FRMD4A: variants seen among roughly 807,000 people sequenced by gnomAD.
FRMD4A encodes FERM domain containing 4A.
Under a neutral mutation model 129.1 loss-of-function variants are expected in FRMD4A, and 29 were observed. The observed-to-expected ratio is 0.22, with a 90% CI of 0.17 to 0.31. FRMD4A has a LOEUF of 0.31. Among genes scored for constraint, FRMD4A ranks in the 10% least tolerant of loss-of-function variants. The pLI is 1.00. For missense variants in FRMD4A, 1,272 were observed against 1,375.8 expected (o/e 0.92, Z 1.19); for synonymous variants, 634 against 571.6 (o/e 1.11, Z -1.56).
At chr10:13,668,192 C>G (rs2134701586) in intron 17 of FRMD4A, 1 of 152,372 alleles carries the variant, frequency 6.6e-6, no homozygotes, top group East Asian at 1.9e-4. Context: ...CCTTCTGAAT[C>G]CTGCCAAGGC....
At chr10:14,013,807 T>C (rs570495546) in intron 2 of FRMD4A, among the ~76,000 whole-genome samples, 1 of 152,322 alleles carries the variant, frequency 6.6e-6, no homozygotes, top group East Asian at 1.9e-4. Flanking sequence ...GGTGCATCCC[T>C]GTAATCCCAG....
intron 3 of FRMD4A, among the ~76,000 whole-genome samples, chr10:13,847,225 A>G (rs1449450068): frequency 2.0e-5 from 3 of 152,144 alleles, no homozygotes; most frequent in African/African-American, 4.8e-5. Flanking sequence ...TTCAGTCACA[A>G]AGACCTAGTG....
At chr10:13,902,514 C>A (rs1437407791) in intron 2 of FRMD4A, among the ~76,000 whole-genome samples, 11 of 122,312 alleles carry the variant, frequency 9.0e-5, no homozygotes, top group African/African-American at 3.4e-4. Flanking sequence ...GCCAACTGAG[C>A]CAACATGAGA....
intron 4 of FRMD4A, among the ~76,000 whole-genome samples, chr10:13,797,630 C>T (rs756927831): frequency 1.3e-5 from 2 of 152,160 alleles, no homozygotes. Context: ...CTCTCTGTAT[C>T]CAATGTCAGC....
chr10:13,854,416 C>CT (rs925949386), intron 3 of FRMD4A, among the ~76,000 whole-genome samples: 132 of 151,928 alleles, frequency 8.7e-4, no homozygotes, highest in Middle Eastern at 3.4e-3. Context: ...TTGATGAAGG[C>CT]TTTTTTTCTT....
chr10:13,857,081 A>T (rs956720260), intron 3 of FRMD4A, among the ~76,000 whole-genome samples: 11 of 152,338 alleles, frequency 7.2e-5, no homozygotes, highest in South Asian at 2.1e-4. Flanking sequence ...CACAAATTTG[A>T]CTTTTAATGA....
intron 2 of FRMD4A, among the ~76,000 whole-genome samples, chr10:14,114,265 C>T (rs1341538697): frequency 1.3e-5 from 2 of 152,152 alleles, no homozygotes; most frequent in African/African-American, 2.4e-5. Context: ...CTGGCCTTTC[C>T]ACCAGCCAGG....
At chr10:13,714,682 T>C (rs1186992541) in intron 12 of FRMD4A, among the ~76,000 whole-genome samples, 4 of 152,130 alleles carry the variant, frequency 2.6e-5, no homozygotes, top group Non-Finnish European at 5.9e-5. Flanking sequence ...AACCCATGAT[T>C]CCTATAGCCA....
intron 5 of FRMD4A, among the ~76,000 whole-genome samples, chr10:13,792,111 T>G (rs2093014603): frequency 6.6e-6 from 1 of 151,862 alleles, no homozygotes; most frequent in Non-Finnish European, 1.5e-5. Context: ...ATTGTCCCTG[T>G]GCAGGGGCAC....
chr10:14,094,278 G>C lies in FRMD4A; in HGVS notation c.46-235366C>G, dbSNP rs372857773. ...GGGCAGATGTTAAGGGCTTGGTATAGAGAAAGGGTGCGTGGAATGATGAGG... is the reference window on the plus strand; with the variant it reads ...GGGCAGATGTTAAGGGCTTGGTATACAGAAAGGGTGCGTGGAATGATGAGG... On this transcript the variant is annotated intron_variant, in intron 2 of 24. Coordinates refer to ENST00000357447, the MANE Select transcript of FRMD4A (RefSeq NM_018027.5). 4.6e-5 allele frequency among the ~76,000 whole-genome samples: 7 copies of C among 152,362 alleles called. No individual in the cohort carries two copies. In the East Asian group the frequency reaches 1.4e-3, roughly 29 times the overall value.
intron 2 of FRMD4A, among the ~76,000 whole-genome samples, chr10:14,041,895 G>T (rs560989465): frequency 6.6e-6 from 1 of 152,246 alleles, no homozygotes; most frequent in Admixed American, 6.5e-5. Context: ...GTCAGAACAG[G>T]GGCTATGTTT....
chr10:13,829,745 G>A (rs1588934826), intron 3 of FRMD4A, among the ~76,000 whole-genome samples: 1 of 152,318 alleles, frequency 6.6e-6, no homozygotes, highest in South Asian at 2.1e-4. Context: ...ACCACCCTTA[G>A]TAAGTGGAGC....
intron 12 of FRMD4A, among the ~76,000 whole-genome samples, chr10:13,725,212 A>G (rs2089800164): frequency 6.6e-6 from 1 of 152,202 alleles, no homozygotes; most frequent in Non-Finnish European, 1.5e-5. Flanking sequence ...GGCCCAGGGA[A>G]GTGGCTCACA....
chr10:13,659,832 AAAAC>A (rs1312060306), intron 20 of FRMD4A, among the ~76,000 whole-genome samples: 1 of 148,560 alleles, frequency 6.7e-6, no homozygotes, highest in African/African-American at 2.5e-5. Flanking sequence ...GGAAATGGGA[AAAAC>A]AGAGAAGCAG....
chr10:14,315,876 T>C (rs987887664), intron 2 of FRMD4A, among the ~76,000 whole-genome samples: 4 of 152,228 alleles, frequency 2.6e-5, no homozygotes, highest in Admixed American at 6.5e-5. Context: ...GAACACTTAC[T>C]ATGTGCCAGA....
intron 2 of FRMD4A, among the ~76,000 whole-genome samples, chr10:14,213,029 G>A (rs1371730868): frequency 6.6e-6 from 1 of 152,162 alleles, no homozygotes; most frequent in Non-Finnish European, 1.5e-5. Flanking sequence ...TTGAGGCCAG[G>A]AGTTTGAAAC....
chr10:13,977,622 C>T (rs1051447419), intron 2 of FRMD4A, among the ~76,000 whole-genome samples: 1 of 152,212 alleles, frequency 6.6e-6, no homozygotes, highest in Admixed American at 6.5e-5. Flanking sequence ...TTTCATCCCC[C>T]AAAAGAAAAC....
intron 2 of FRMD4A, among the ~76,000 whole-genome samples, chr10:14,162,634 TTTTTTTG>T (rs1840956211): frequency 1.4e-5 from 2 of 138,734 alleles, no homozygotes; most frequent in Admixed American, 1.5e-4. Flanking sequence ...TTCTCTGTTT[TTTTTTTG>T]TTTTTTTTTT....
chr10:13,695,598 GT>G (rs2086148184), intron 14 of FRMD4A, among the ~76,000 whole-genome samples: 1 of 152,226 alleles, frequency 6.6e-6, no homozygotes, highest in African/African-American at 2.4e-5. Flanking sequence ...GGCTTTGCCA[GT>G]ACACAGAACT....
Sources: allele counts gnomAD v4.1 joint callset (sites outside exome capture counted in the v4.1 genomes callset), GRCh38; gene constraint gnomAD v4.1.1; transcripts MANE v1.5; gene names NCBI Gene and HGNC (gene_info 2026-07-23, HGNC 2026-07-21).